Variants in LAMA3 observed in about 807,000 individuals in gnomAD.
The protein encoded by LAMA3 is laminin subunit alpha 3.
Under a neutral mutation model 402.0 loss-of-function variants are expected in LAMA3, and 281 were observed. The ratio of observed to expected loss-of-function variants is 0.70; its 90% CI spans 0.63 to 0.77. LAMA3 has a LOEUF of 0.77. Among genes scored for constraint, LAMA3 ranks in the 30% least tolerant of loss-of-function variants. The pLI, the probability that LAMA3 is intolerant of heterozygous loss-of-function variation, is 0.00. For missense variants in LAMA3, 3,840 were observed against 4,215.5 expected (o/e 0.91, Z 2.47); for synonymous variants, 1,431 against 1,558.4 (o/e 0.92, Z 1.93).
chr18:23,903,385 C>T (rs2081137453), intron 49 of LAMA3, among the ~76,000 whole-genome samples: 1 of 152,124 alleles, frequency 6.6e-6, no homozygotes, highest in Non-Finnish European at 1.5e-5. Flanking sequence ...AATTATAATG[C>T]TATTTTTAAA....
chr18:23,928,296 G>A lies in LAMA3; in HGVS notation c.8295+56G>A, dbSNP rs377762253. ...GTGCTTCCCAGCCAACCCACCTTCC[G>A]TATCCATTAACGCAGCAACTTTTGA... On this transcript the variant is annotated intron_variant, in intron 63 of 74. Coordinates refer to ENST00000313654, the MANE Select transcript of LAMA3 (RefSeq NM_198129.4). The A allele has an allele frequency of 1.5e-5, 17 of 1,120,792 alleles. No individual in the cohort carries two copies. In the East Asian group the frequency reaches 1.7e-4, roughly 11 times the overall value. The allele number at this position is 1,120,792 out of a possible 1,614,324, so 69.4% of individuals were successfully genotyped here.
chr18:23,852,638 G>A (rs2063972547), intron 32 of LAMA3, among the ~76,000 whole-genome samples: 1 of 152,182 alleles, frequency 6.6e-6, no homozygotes, highest in Non-Finnish European at 1.5e-5. Context: ...GTGCAGCATG[G>A]TGAGCGCCAT....
rs2064818197 is a variant in LAMA3, at chr18:23,879,135, T to C, written c.5112+2728T>C. On this transcript the variant is annotated intron_variant, in intron 39 of 74. Transcript: ENST00000313654. The surrounding 1 kb of genome is among the most constrained non-coding windows in gnomAD (Gnocchi z 4.2). ...CCCATCTTCCCCTCTGCAGTTGCAA[T>C]GGAATTTCCAAATGATTTATCTGAA... Among the ~76,000 whole-genome samples, 1 of 152,208 alleles carries C rather than the reference T, an allele frequency of 6.6e-6. No homozygotes were observed.
chr18:23,758,254 G>A (rs376724027), intron 6 of LAMA3, 142 bp from the exon 7 acceptor site: 12 of 708,580 alleles, frequency 1.7e-5, no homozygotes, highest in African/African-American at 5.3e-5. Flanking sequence ...TAATACTTGC[G>A]AAGTGTTGTG....
chr18:23,844,572 A>G (rs915256011), intron 29 of LAMA3, among the ~76,000 whole-genome samples: 6 of 152,170 alleles, frequency 3.9e-5, no homozygotes, highest in African/African-American at 1.2e-4. Flanking sequence ...CTGCACAGTA[A>G]TGTGGACTGA....
rs1255974427 is a variant in LAMA3 at position 23,810,361 on chromosome 18, T to C, written c.1604-5T>C. On this transcript the variant is annotated splice_region_variant and splice_polypyrimidine_tract_variant and intron_variant, in intron 12 of 74. Transcript: ENST00000313654. ...GCCTAAGTCTGATTGAATTCTTTCA[T>C]CCAGCCTGCTGGTGTTCAGCCCTTG... is the stretch of plus-strand genomic sequence containing the variant. 6.2e-7 allele frequency: 1 copy of C among 1,614,070 alleles called. No individual in the cohort carries two copies. The highest frequency in any genetic ancestry group is 1.1e-5 in the South Asian group (1 of 91,076).
At chr18:23,727,982 C>T (rs1401964390) in intron 2 of LAMA3, among the ~76,000 whole-genome samples, 1 of 152,122 alleles carries the variant, frequency 6.6e-6, no homozygotes, top group Non-Finnish European at 1.5e-5. Flanking sequence ...GATCCTCCTG[C>T]CTCGGCCTCC....
intron 39 of LAMA3, among the ~76,000 whole-genome samples, chr18:23,878,096 ACT>A (rs1490666919): frequency 6.6e-6 from 1 of 152,294 alleles, no homozygotes; most frequent in Non-Finnish European, 1.5e-5. Context: ...ACAGAGCAAG[ACT>A]CTGTCTAAAA....
At chr18:23,693,729 T>C (rs986346161) in intron 1 of LAMA3, among the ~76,000 whole-genome samples, 3 of 152,156 alleles carry the variant, frequency 2.0e-5, no homozygotes, top group Admixed American at 1.3e-4. Context: ...TGGGGGGAGA[T>C]TTTAATTTTT....
chr18:23,932,978 G>A (rs2082209947), intron 66 of LAMA3, among the ~76,000 whole-genome samples: 1 of 152,160 alleles, frequency 6.6e-6, no homozygotes, highest in African/African-American at 2.4e-5. Context: ...CTAATTCAGG[G>A]ATTGGAGCAG....
chr18:23,824,639 A>G (rs2063346651), intron 21 of LAMA3, 74 bp downstream of exon 21: 8 of 1,487,212 alleles, frequency 5.4e-6, no homozygotes, highest in Non-Finnish European at 7.5e-6. Context: ...CCAAGACTAC[A>G]ATCCACAGCG....
intron 67 of LAMA3, among the ~76,000 whole-genome samples, chr18:23,934,589 T>A (rs1351590093): frequency 1.3e-5 from 2 of 152,236 alleles, no homozygotes; most frequent in African/African-American, 4.8e-5. Context: ...AGGTCAACAA[T>A]GTAACTTTCC....
At chr18:23,736,195 C>G (rs1012955805) in intron 2 of LAMA3, among the ~76,000 whole-genome samples, 4 of 151,478 alleles carry the variant, frequency 2.6e-5, no homozygotes, top group Non-Finnish European at 4.4e-5. Context: ...ATTCTGCACT[C>G]TAAACCATTA....
intron 2 of LAMA3, among the ~76,000 whole-genome samples, chr18:23,723,522 A>G (rs2061248143): frequency 6.6e-6 from 1 of 152,230 alleles, no homozygotes; most frequent in Non-Finnish European, 1.5e-5. Context: ...TGCCTATATA[A>G]GCAAAGAACA....
intron 13 of LAMA3, among the ~76,000 whole-genome samples, chr18:23,811,412 A>C (rs1191669751): frequency 6.6e-6 from 1 of 152,186 alleles, no homozygotes; most frequent in African/African-American, 2.4e-5. Flanking sequence ...CCTAACCAGA[A>C]TCCTCTGGAG....
In LAMA3 at chr18:23,842,477, C is replaced by T. The variant is rs200039527; in HGVS notation, c.3419C>T (p.Thr1140Met). The T allele has an allele frequency of 1.9e-5, 31 of 1,614,212 alleles. No individual in the cohort carries two copies. The African/African-American group carries it at 2.5e-4, about 13-fold the overall frequency. Residue 1140 changes from threonine to methionine, a missense_variant, in exon 28 of 75, where the codon ACG (threonine) becomes ATG (methionine). Coordinates refer to ENST00000313654, the MANE Select transcript of LAMA3 (RefSeq NM_198129.4). ...VIHFYQAAHP[T>M]FPAQVSVDGG... ...CATTTTTACCAAGCAGCGCACCCGA[C>T]GTTTCCCGCGCAGGTGTCGGTGGAT...
At position 23,954,715 on chromosome 18, in the gene LAMA3, C is replaced by T; in HGVS notation, c.*67C>T. On this transcript the variant is annotated 3_prime_UTR_variant, in exon 75 of 75. Coordinates refer to ENST00000313654, the MANE Select transcript of LAMA3 (RefSeq NM_198129.4). ...ACTGATTACCCAATGCACCTCCCTC[C>T]CCAGCTCGAGATCATTCTTCACTCA... The T allele has an allele frequency of 6.6e-7, 1 of 1,506,724 alleles. No homozygotes were observed. Among genetic ancestry groups the T allele is most frequent in the Admixed American group, 1.7e-5 (1 of 59,844 alleles). 93.3% of individuals were successfully genotyped at this position (1,506,724 alleles called of 1,614,324 possible). A position where few individuals can be genotyped will look rare whatever the true frequency, so the allele number is the denominator to read the frequency against.
intron 29 of LAMA3, among the ~76,000 whole-genome samples, chr18:23,844,244 A>G (rs965963945): frequency 1.3e-5 from 2 of 152,258 alleles, no homozygotes; most frequent in African/African-American, 4.8e-5. Flanking sequence ...TGTTTGCTAT[A>G]GGCATATTCT....
intron 2 of LAMA3, among the ~76,000 whole-genome samples, chr18:23,734,296 C>A (rs965760674): frequency 2.0e-5 from 3 of 152,200 alleles, no homozygotes; most frequent in African/African-American, 7.2e-5. Context: ...GACCATGGGG[C>A]CTGCTTTGGT....
Sources: allele counts gnomAD v4.1 joint callset (sites outside exome capture counted in the v4.1 genomes callset), GRCh38; gene constraint gnomAD v4.1.1; non-coding constraint Gnocchi (gnomAD v3.1); transcripts MANE v1.5; gene names NCBI Gene and HGNC (gene_info 2026-07-23, HGNC 2026-07-21).